The following FUT8 variants were observed in gnomAD, a reference collection of about 807,000 sequenced individuals.
FUT8 encodes fucosyltransferase 8.
In FUT8, 29 loss-of-function variants were observed where a neutral mutation model predicts 71.3. That is an observed-to-expected ratio of 0.41 (90% confidence interval 0.30 to 0.55). The LOEUF (loss-of-function observed/expected upper bound fraction) is 0.55. FUT8 is among the 20% of genes least tolerant of loss of function. The pLI is 0.34. For missense variants in FUT8, 544 were observed against 702.1 expected (o/e 0.77, Z 2.55); for synonymous variants, 254 against 239.3 (o/e 1.06, Z -0.57).
rs1240338864 is a variant in FUT8, at chr14:65,476,635, AGATTTTTTTTTTTTTTTTTTT to A, written c.-228+20918_-228+20938del. ...GTTCAAGTGGTAGAGTTAAAGAAGT[AGATTTTTTTTTTTTTTTTTTT>A]TTTTTTTTTTTTTTTGGCGACAGGG... On this transcript the variant is annotated intron_variant, in intron 2 of 10. Transcript: ENST00000673929. 7.7e-3 allele frequency among the ~76,000 whole-genome samples: 1,082 copies of A among 141,142 alleles called. 14 individuals are homozygous for A. Among genetic ancestry groups the A allele is most frequent in the African/African-American group, 0.026 (980 of 37,084 alleles). 92.6% of individuals were successfully genotyped at this position (141,142 alleles called of 152,430 possible).
intron 9 of FUT8, among the ~76,000 whole-genome samples, chr14:65,730,729 G>C (rs1895939203): frequency 6.6e-6 from 1 of 152,168 alleles, no homozygotes; most frequent in African/African-American, 2.4e-5. Context: ...AGTGACTGTG[G>C]CAGCCATTGC....
chr14:65,664,146 A>G (rs1892097985), intron 6 of FUT8, among the ~76,000 whole-genome samples: 1 of 152,144 alleles, frequency 6.6e-6, no homozygotes, highest in South Asian at 2.1e-4. Flanking sequence ...TATGAATTTT[A>G]GTGATATTCA....
intron 5 of FUT8, among the ~76,000 whole-genome samples, chr14:65,624,847 C>T (rs1889812149): frequency 6.6e-6 from 1 of 152,170 alleles, no homozygotes; most frequent in Non-Finnish European, 1.5e-5. Flanking sequence ...GGCCAGTCAC[C>T]TGAGGTCAGG....
At chr14:65,379,279 C>A in the FUT8 span, among the ~76,000 whole-genome samples, 1 of 152,130 alleles carries the variant, frequency 6.6e-6, no homozygotes, top group African/African-American at 2.4e-5. Context: ...CCTGTAATCC[C>A]AGCACTTTGG....
intron 7 of FUT8, among the ~76,000 whole-genome samples, chr14:65,707,263 A>T (rs1305307949): frequency 6.6e-6 from 1 of 151,964 alleles, no homozygotes. Context: ...ATTAAAGAGC[A>T]TTTTTTTCCA....
chr14:65,418,572 T>C (rs1171429039), intron 1 of FUT8, among the ~76,000 whole-genome samples: 1 of 152,212 alleles, frequency 6.6e-6, no homozygotes, highest in African/African-American at 2.4e-5. Context: ...TGGACAGATA[T>C]AATTTATAGA....
chr14:65,552,847 A>G (rs1006310027), intron 2 of FUT8, among the ~76,000 whole-genome samples: 1 of 152,196 alleles, frequency 6.6e-6, no homozygotes, highest in South Asian at 2.1e-4. Flanking sequence ...CTCTGGGGGA[A>G]TGCCATCTGA....
In FUT8 at chr14:65,619,550, A is replaced by G. The variant is rs1889491329; in HGVS notation, c.482+3177A>G. On this transcript the variant is annotated intron_variant, in intron 5 of 10. Coordinates refer to ENST00000673929, the MANE Select transcript of FUT8 (RefSeq NM_001371533.1). ...ATTTACCTGATTGGCCTTGATAGCT[A>G]ATAACTAGTAGAGCCTAATCTCTGC... 2.0e-5 allele frequency among the ~76,000 whole-genome samples: 3 copies of G among 152,188 alleles called. No individual in the cohort carries two copies. In the South Asian group the frequency reaches 6.2e-4, roughly 31 times the overall value.
chr14:65,594,050 AC>A (rs1437528397), intron 3 of FUT8, among the ~76,000 whole-genome samples: 1 of 152,234 alleles, frequency 6.6e-6, no homozygotes, highest in Non-Finnish European at 1.5e-5. Flanking sequence ...GCCAGATTTG[AC>A]TTTTAGTAAA....
chr14:65,461,655 G>A (rs556796463), intron 2 of FUT8, among the ~76,000 whole-genome samples: 6 of 152,310 alleles, frequency 3.9e-5, no homozygotes, highest in African/African-American at 1.4e-4. Context: ...GAAAGTTACT[G>A]TCTTCTTTAG....
chr14:65,559,265 A>C (rs1342423198), intron 2 of FUT8, among the ~76,000 whole-genome samples: 1 of 152,148 alleles, frequency 6.6e-6, no homozygotes, highest in East Asian at 1.9e-4. Flanking sequence ...GTAATATCTG[A>C]TATATAGTTT....
At chr14:65,482,247 T>A (rs574920465) in intron 2 of FUT8, among the ~76,000 whole-genome samples, 2 of 152,328 alleles carry the variant, frequency 1.3e-5, no homozygotes, top group African/African-American at 2.4e-5. Context: ...TGTGTCCTTT[T>A]GATTTTTGTC....
chr14:65,528,635 G>A (rs1345218373), intron 2 of FUT8, among the ~76,000 whole-genome samples: 4 of 152,142 alleles, frequency 2.6e-5, no homozygotes, highest in African/African-American at 4.8e-5. Flanking sequence ...TGTCTTCTGC[G>A]TCGCTCAGGC....
At chr14:65,444,321 A>G (rs2065705852) in intron 1 of FUT8, among the ~76,000 whole-genome samples, 1 of 152,260 alleles carries the variant, frequency 6.6e-6, no homozygotes, top group Admixed American at 6.5e-5. Context: ...TGACAGAGAT[A>G]CAGAGCAACT....
chr14:65,583,926 C>T (rs1165319270), intron 3 of FUT8, among the ~76,000 whole-genome samples: 2 of 152,204 alleles, frequency 1.3e-5, no homozygotes, highest in Non-Finnish European at 2.9e-5. Flanking sequence ...TTCACCCAGG[C>T]TGAAGTGCAT....
At chr14:65,708,326 G>C (rs1430127205) in intron 7 of FUT8, among the ~76,000 whole-genome samples, 1 of 152,114 alleles carries the variant, frequency 6.6e-6, no homozygotes. Context: ...GTTTCCTGAC[G>C]CCTCCCCAGC....
intron 1 of FUT8, among the ~76,000 whole-genome samples, chr14:65,447,978 A>G (rs181846834): frequency 2.6e-5 from 4 of 152,318 alleles, no homozygotes; most frequent in Admixed American, 2.6e-4. Flanking sequence ...AATTAGTGCA[A>G]CTAAGGCAGT....
At chr14:65,613,951 A>G (rs1889142071) in intron 3 of FUT8, among the ~76,000 whole-genome samples, 1 of 152,068 alleles carries the variant, frequency 6.6e-6, no homozygotes, top group South Asian at 2.1e-4. Context: ...GTCTCTACTA[A>G]AAATGTAAAA....
In FUT8 at chr14:65,561,755, C is replaced by A. The variant is rs372888976; in HGVS notation, c.192C>A (p.Ala64=). ...KQQNEDLRRM[A]ESLRIPEGPI... is the part of the protein sequence containing the mutation. ...AGAATGAAGACTTGAGGCGAATGGC[C>A]GAATCTCTCCGGTAGGTCCTAAAAT... Residue 64 remains alanine (A), a synonymous_variant, in exon 3 of 11, where the codon GCC becomes GCA. Transcript: ENST00000673929. 8.1e-6 allele frequency: 13 copies of A among 1,612,236 alleles called. No individual in the cohort carries two copies. Among genetic ancestry groups the A allele is most frequent in the Non-Finnish European group, 1.0e-5 (12 of 1,178,804 alleles).
Sources: allele counts gnomAD v4.1 joint callset (sites outside exome capture counted in the v4.1 genomes callset), GRCh38; gene constraint gnomAD v4.1.1; transcripts MANE v1.5; gene names NCBI Gene and HGNC (gene_info 2026-07-23, HGNC 2026-07-21).